The following PPARGC1A variants were observed in gnomAD, a reference collection of about 807,000 sequenced individuals.
The protein encoded by PPARGC1A is peroxisome proliferator-activated receptor gamma coactivator 1-alpha.
A neutral mutation model predicts 88.7 loss-of-function variants in PPARGC1A; 25 were observed. The ratio of observed to expected loss-of-function variants is 0.28; its 90% CI spans 0.21 to 0.39. The LOEUF is 0.39. PPARGC1A is among the 10% of genes least tolerant of loss of function. PPARGC1A has a pLI of 1.00. For synonymous variants in PPARGC1A, 363 were observed against 355.6 expected, an observed-to-expected ratio of 1.02 and a Z score of -0.24; for missense variants, 880 against 968.7, an observed-to-expected ratio of 0.91 and a Z score of 1.22.
the PPARGC1A span, among the ~76,000 whole-genome samples, chr4:24,063,604 C>G: frequency 3.9e-5 from 6 of 152,074 alleles, no homozygotes; most frequent in Non-Finnish European, 1.5e-5. Flanking sequence ...CTTTGAGATC[C>G]CGGGGTGAAG....
At chr4:24,143,223 T>C in the PPARGC1A span, among the ~76,000 whole-genome samples, 3 of 152,180 alleles carry the variant, frequency 2.0e-5, no homozygotes, top group Non-Finnish European at 4.4e-5. Context: ...TCAGTAAACA[T>C]TTATGGAGAG....
chr4:24,368,623 T>C, the PPARGC1A span, among the ~76,000 whole-genome samples: 2 of 152,186 alleles, frequency 1.3e-5, no homozygotes, highest in African/African-American at 4.8e-5. Flanking sequence ...CATTATTCTA[T>C]ACATTTGTAC....
the PPARGC1A span, among the ~76,000 whole-genome samples, chr4:24,014,025 C>A: frequency 6.6e-6 from 1 of 152,178 alleles, no homozygotes; most frequent in African/African-American, 2.4e-5. Context: ...CTTCCTCGTG[C>A]AATGCTGTAG....
the PPARGC1A span, among the ~76,000 whole-genome samples, chr4:24,212,816 C>G: frequency 2.0e-5 from 3 of 152,236 alleles, no homozygotes; most frequent in Non-Finnish European, 4.4e-5. Flanking sequence ...CTAGCCCATT[C>G]TTACCCAAGG....
chr4:24,317,137 C>T, the PPARGC1A span, among the ~76,000 whole-genome samples: 1 of 152,080 alleles, frequency 6.6e-6, no homozygotes, highest in African/African-American at 2.4e-5. Context: ...GTAAGCAGCT[C>T]ACTCATGGTT....
At chr4:24,145,525 T>C in the PPARGC1A span, among the ~76,000 whole-genome samples, 1 of 152,336 alleles carries the variant, frequency 6.6e-6, no homozygotes, top group Admixed American at 6.5e-5. Flanking sequence ...TCTGTAAAAC[T>C]CTGATGCCCT....
chr4:24,188,768 C>T, the PPARGC1A span, among the ~76,000 whole-genome samples: 4 of 152,050 alleles, frequency 2.6e-5, no homozygotes, highest in Non-Finnish European at 5.9e-5. Context: ...ATAGAACTGC[C>T]ATATGATCTA....
chr4:24,453,671 C>T, the PPARGC1A span, among the ~76,000 whole-genome samples: 151,170 of 152,276 alleles, frequency 0.99, 75,038 homozygotes, highest in East Asian at 1. Context: ...TCTGAGCTAC[C>T]TGGGAGGCTG....
the PPARGC1A span, among the ~76,000 whole-genome samples, chr4:24,010,502 C>A: frequency 2.0e-5 from 3 of 151,960 alleles, no homozygotes; most frequent in Non-Finnish European, 4.4e-5. Context: ...TGAGAAAAAG[C>A]ACTGAATAAA....
chr4:24,228,870 G>A, the PPARGC1A span, among the ~76,000 whole-genome samples: 3 of 152,122 alleles, frequency 2.0e-5, no homozygotes, highest in Non-Finnish European at 4.4e-5. Context: ...TTTGCCAGTG[G>A]ATTTATCTTC....
the PPARGC1A span, among the ~76,000 whole-genome samples, chr4:24,187,207 G>A: frequency 5.9e-5 from 9 of 152,300 alleles, no homozygotes; most frequent in Non-Finnish European, 1.3e-4. Context: ...CAATGATGAT[G>A]GCTAATGTTT....
the PPARGC1A span, among the ~76,000 whole-genome samples, chr4:23,916,154 A>G: frequency 6.6e-6 from 1 of 152,244 alleles, no homozygotes; most frequent in South Asian, 2.1e-4. Flanking sequence ...CAATAAGTAA[A>G]TTACATTGCC....
the PPARGC1A span, among the ~76,000 whole-genome samples, chr4:23,932,230 G>A: frequency 6.6e-6 from 1 of 152,068 alleles, no homozygotes; most frequent in Non-Finnish European, 1.5e-5. Flanking sequence ...AGTCTAAAAG[G>A]ACCCAAATAC....
chr4:23,903,705 C>T (rs1467286573), upstream of PPARGC1A, among the ~76,000 whole-genome samples: 1 of 152,082 alleles, frequency 6.6e-6, no homozygotes, highest in African/African-American at 2.4e-5. Flanking sequence ...AAAAAGAATG[C>T]ACTAGATCAC....
the PPARGC1A span, among the ~76,000 whole-genome samples, chr4:24,175,716 GCTT>G: frequency 6.0e-5 from 9 of 151,234 alleles, no homozygotes; most frequent in Admixed American, 1.3e-4. Flanking sequence ...TCCTTTTGTT[GCTT>G]CTTTTTTTAT....
At chr4:24,350,496 C>T in the PPARGC1A span, among the ~76,000 whole-genome samples, 3 of 152,186 alleles carry the variant, frequency 2.0e-5, no homozygotes, top group South Asian at 6.2e-4. Context: ...ATAAATACTT[C>T]CCTTATCCAA....
chr4:24,029,097 T>A, the PPARGC1A span, among the ~76,000 whole-genome samples: 1 of 152,248 alleles, frequency 6.6e-6, no homozygotes, highest in Non-Finnish European at 1.5e-5. Context: ...ATGCTGTCCC[T>A]CCGTGTCCTA....
chr4:24,021,289 G>C, the PPARGC1A span, among the ~76,000 whole-genome samples: 1 of 152,176 alleles, frequency 6.6e-6, no homozygotes, highest in Non-Finnish European at 1.5e-5. Flanking sequence ...TCCTATCTCA[G>C]ACAGGCTTAC....
intron 3 of PPARGC1A, 174 bp downstream of exon 3, chr4:23,831,383 A>G (rs776980342): frequency 9.5e-6 from 5 of 528,680 alleles, no homozygotes; most frequent in South Asian, 3.8e-5. Flanking sequence ...GACGTGTATT[A>G]TCAACACTTT....
Sources: allele counts gnomAD v4.1 joint callset (sites outside exome capture counted in the v4.1 genomes callset), GRCh38; gene constraint gnomAD v4.1.1; transcripts MANE v1.5; gene names NCBI Gene and HGNC (gene_info 2026-07-23, HGNC 2026-07-21).